The following RASGRP1 variants were observed in gnomAD, a reference collection of about 807,000 sequenced individuals.
The protein encoded by RASGRP1 is RAS guanyl-releasing protein 1.
RASGRP1 carries 37 observed loss-of-function variants against 95.1 expected under a neutral mutation model. That is an observed-to-expected ratio of 0.39 (90% CI 0.30 to 0.51). RASGRP1 has a LOEUF of 0.51. Among genes scored for constraint, RASGRP1 ranks in the 20% least tolerant of loss-of-function variants. The pLI is 0.80. For missense variants in RASGRP1, 711 were observed against 965.4 expected (o/e 0.74, Z 3.49); for synonymous variants, 325 against 353.4 (o/e 0.92, Z 0.90).
At chr15:38,550,465 A>G (rs532919804) in intron 2 of RASGRP1, among the ~76,000 whole-genome samples, 53 of 152,304 alleles carry the variant, frequency 3.5e-4, no homozygotes, top group Non-Finnish European at 5.3e-4. Flanking sequence ...AGCATGTAGC[A>G]TTGAAAAGAA....
intron 6 of RASGRP1, among the ~76,000 whole-genome samples, chr15:38,513,476 C>T (rs1236357405): frequency 6.6e-6 from 1 of 152,130 alleles, no homozygotes; most frequent in Non-Finnish European, 1.5e-5. Context: ...TAAAGTGTTA[C>T]ATATATGTAA....
At chr15:38,513,312 T>G (rs1891619232) in intron 6 of RASGRP1, among the ~76,000 whole-genome samples, 1 of 152,208 alleles carries the variant, frequency 6.6e-6, no homozygotes, top group African/African-American at 2.4e-5. Context: ...CTGCTAAGGT[T>G]AAGGGAATAA....
At chr15:38,534,629 C>T (rs938136607) in intron 2 of RASGRP1, 1 of 152,218 alleles carries the variant, frequency 6.6e-6, no homozygotes, top group Middle Eastern at 3.1e-3. Context: ...GCTGGCCAGG[C>T]TCATCTCTTC....
At chr15:38,505,147 C>A (rs1012843564) in intron 10 of RASGRP1, among the ~76,000 whole-genome samples, 6 of 152,156 alleles carry the variant, frequency 3.9e-5, no homozygotes, top group Non-Finnish European at 1.5e-5. Context: ...TAAGTGTGGG[C>A]AACTCTCTTC....
At chr15:38,520,071 T>A (rs1394901878) in intron 3 of RASGRP1, among the ~76,000 whole-genome samples, 1 of 151,544 alleles carries the variant, frequency 6.6e-6, no homozygotes, top group South Asian at 2.1e-4. Context: ...CAAGTTCACA[T>A]GTCTTTAAAG....
At chr15:38,521,723 T>C (rs943748659) in intron 3 of RASGRP1, among the ~76,000 whole-genome samples, 7 of 152,192 alleles carry the variant, frequency 4.6e-5, no homozygotes, top group Admixed American at 3.9e-4. Context: ...ACTGTGGCTA[T>C]AAAGTACCAG....
intron 1 of RASGRP1, among the ~76,000 whole-genome samples, chr15:38,564,076 T>C (rs1016921048): frequency 6.6e-6 from 1 of 152,186 alleles, no homozygotes; most frequent in Non-Finnish European, 1.5e-5. Context: ...AGGCGATATG[T>C]TTCCCTGACC....
At chr15:38,535,725 ATGAGCAG>A (rs1892618423) in intron 2 of RASGRP1, among the ~76,000 whole-genome samples, 1 of 152,218 alleles carries the variant, frequency 6.6e-6, no homozygotes, top group African/African-American at 2.4e-5. Context: ...GATTTTTTGG[ATGAGCAG>A]TTGAAGTCTA....
At chr15:38,505,739 G>A (rs1723633200) in intron 10 of RASGRP1, 101 bp downstream of exon 10, 1 of 902,056 alleles carries the variant, frequency 1.1e-6, no homozygotes, top group Non-Finnish European at 1.8e-6. Context: ...AACAGTACAT[G>A]TATTAAACTG....
intron 3 of RASGRP1, among the ~76,000 whole-genome samples, chr15:38,524,797 G>A (rs1433020205): frequency 6.6e-6 from 1 of 151,974 alleles, no homozygotes; most frequent in Non-Finnish European, 1.5e-5. Context: ...TTAGGCTGAG[G>A]GGCAGGTGCC....
chr15:38,548,942 C>A (rs1893216448), intron 2 of RASGRP1, among the ~76,000 whole-genome samples: 1 of 152,178 alleles, frequency 6.6e-6, no homozygotes. Flanking sequence ...GGGGGGACCA[C>A]AGACACAATA....
intron 2 of RASGRP1, among the ~76,000 whole-genome samples, chr15:38,539,729 A>G (rs972082895): frequency 1.5e-4 from 22 of 150,872 alleles, no homozygotes; most frequent in African/African-American, 4.9e-4. Flanking sequence ...CGCTCCTCCC[A>G]CCCCACAACA....
At chr15:38,544,643 T>C (rs1344764984) in intron 2 of RASGRP1, among the ~76,000 whole-genome samples, 1 of 152,238 alleles carries the variant, frequency 6.6e-6, no homozygotes, top group Non-Finnish European at 1.5e-5. Context: ...GGTCCCTTCA[T>C]TTTGCACTTC....
Position 38,511,711 on chromosome 15 carries a change from G to A in RASGRP1, c.859C>T (p.Gln287Ter). The change falls in exon 8 of 17, where the codon CAA becomes TAA. Residue 287 changes from glutamine (Q) to a stop codon, truncating the protein, a stop_gained. Coordinates refer to ENST00000310803, the MANE Select transcript of RASGRP1 (RefSeq NM_005739.4). LOFTEE classifies it high-confidence loss of function. ...KFIQVAQKLH[Q>*]LQNFNTLMAV... The stretch of plus-strand genomic sequence containing the variant: ...ATCAGTGTATTGAAGTTCTGTAGTT[G>A]GTGGAGCTTCTGTGACACAGAAGAC... The A allele has an allele frequency of 6.2e-7, 1 of 1,612,982 alleles. No individual in the cohort carries two copies. The highest frequency in any genetic ancestry group is 8.5e-7 in the Non-Finnish European group (1 of 1,179,106).
chr15:38,539,160 AC>A (rs1361331838), intron 2 of RASGRP1, among the ~76,000 whole-genome samples: 1 of 151,978 alleles, frequency 6.6e-6, no homozygotes, highest in Non-Finnish European at 1.5e-5. Flanking sequence ...TCTGAGGTAA[AC>A]CCTGCCCTTT....
At position 38,559,922 on chromosome 15, in the gene RASGRP1, C is replaced by G. The variant is rs1893736407; in HGVS notation, c.119G>C (p.Ser40Thr). The G allele has an allele frequency of 1.2e-6, 2 of 1,613,450 alleles. No individual in the cohort carries two copies. The highest frequency in any genetic ancestry group is 1.7e-6 in the Non-Finnish European group (2 of 1,179,758). ...TCGGAACTGGGTGATGTGGGCCAAG[C>G]TGGGATGGGAGGGGAAGGGGCTGTT... ...PANSPFPSHP[S>T]LAHITQFRMM... The change falls in exon 2 of 17, where the codon AGC becomes ACC. Residue 40 changes from serine (S) to threonine (T), a missense_variant. Coordinates refer to ENST00000310803, the MANE Select transcript of RASGRP1 (RefSeq NM_005739.4).
intron 16 of RASGRP1, 123 bp downstream of exon 16, chr15:38,494,259 C>T: frequency 7.8e-7 from 1 of 1,279,688 alleles, no homozygotes; most frequent in Non-Finnish European, 1.1e-6. Context: ...CTCCCCTCCT[C>T]CTTTTTTGTT....
chr15:38,535,935 G>T (rs912904344), intron 2 of RASGRP1, among the ~76,000 whole-genome samples: 1 of 152,174 alleles, frequency 6.6e-6, no homozygotes, highest in Non-Finnish European at 1.5e-5. Flanking sequence ...TTGGACACAA[G>T]TCTGTGGGTG....
intron 2 of RASGRP1, among the ~76,000 whole-genome samples, chr15:38,547,303 G>C (rs1893140947): frequency 6.6e-6 from 1 of 152,086 alleles, no homozygotes; most frequent in African/African-American, 2.4e-5. Flanking sequence ...AGCCTGAGAG[G>C]TTTCTGGAAG....
Sources: gnomAD v4.1 joint callset for allele counts (sites outside exome capture counted in the v4.1 genomes callset) on GRCh38, gnomAD v4.1.1 for gene constraint, MANE v1.5 for transcripts, NCBI Gene and HGNC (gene_info 2026-07-23, HGNC 2026-07-21) for gene names.